Variants in COBL observed in about 807,000 individuals in gnomAD.
COBL encodes protein cordon-bleu.
Under a neutral mutation model 98.8 loss-of-function variants are expected in COBL, and 51 were observed. The observed-to-expected ratio is 0.52, with a 90% CI of 0.41 to 0.65. The LOEUF (loss-of-function observed/expected upper bound fraction) is 0.65. COBL is among the 30% of genes least tolerant of loss of function. The pLI is 0.00. For missense variants in COBL, 1,617 were observed against 1,617.5 expected, an observed-to-expected ratio of 1.00 and a Z score of 0.01; for synonymous variants, 634 against 651.7, an observed-to-expected ratio of 0.97 and a Z score of 0.41.
At chr7:51,198,722 C>T (rs1378106212) in intron 2 of COBL, among the ~76,000 whole-genome samples, 1 of 152,136 alleles carries the variant, frequency 6.6e-6, no homozygotes, top group Non-Finnish European at 1.5e-5. Flanking sequence ...AGATTGGGAA[C>T]TCACAGGGCA....
rs983007075 is a variant in COBL at position 51,136,239 on chromosome 7, G to A, written c.876C>T (p.Ser292=). Residue 292 remains serine (S), a synonymous_variant, in exon 6 of 13, where the codon TCC becomes TCT. Coordinates refer to ENST00000265136, the MANE Select transcript of COBL (RefSeq NM_015198.5). ...GGCGCTTCTTCATCTCCGACTTCAC[G>A]GACACCCCTGAGATGCTGCCCAGCG... ...SLSLGSISGV[S]VKSEMKKRRA... 7.4e-6 allele frequency: 12 copies of A among 1,613,676 alleles called. 2 individuals carry two copies. Among genetic ancestry groups the A allele is most frequent in the South Asian group, 6.6e-5 (6 of 91,050 alleles).
chr7:51,064,499 T>C (rs556637981), intron 7 of COBL: 1 of 152,416 alleles, frequency 6.6e-6, no homozygotes, highest in South Asian at 2.1e-4. Context: ...TCTATACATA[T>C]ACTTGAAAGA....
At chr7:51,136,754 T>C (rs551844052) in intron 5 of COBL, among the ~76,000 whole-genome samples, 1 of 152,328 alleles carries the variant, frequency 6.6e-6, no homozygotes, top group East Asian at 1.9e-4. Context: ...ACCAACAGTC[T>C]TGGTCATCTT....
At chr7:51,182,573 C>A (rs547105028) in intron 5 of COBL, among the ~76,000 whole-genome samples, 6 of 151,544 alleles carry the variant, frequency 4.0e-5, no homozygotes, top group Non-Finnish European at 8.8e-5. Flanking sequence ...TGAGCCACCG[C>A]GCCCGGCCAC....
intron 6 of COBL, among the ~76,000 whole-genome samples, chr7:51,126,226 G>A (rs908736397): frequency 9.9e-5 from 15 of 152,210 alleles, no homozygotes; most frequent in African/African-American, 3.4e-4. Flanking sequence ...AGTATGGGAG[G>A]CTGAGGCAGG....
intron 2 of COBL, 127 bp downstream of exon 2, chr7:51,219,614 T>C: frequency 3.1e-6 from 3 of 978,196 alleles, no homozygotes; most frequent in Non-Finnish European, 4.6e-6. Context: ...CCGATTTATA[T>C]CCATGAGGTT....
chr7:51,185,356 A>G (rs1789388738), intron 4 of COBL, among the ~76,000 whole-genome samples: 1 of 152,172 alleles, frequency 6.6e-6, no homozygotes, highest in Non-Finnish European at 1.5e-5. Flanking sequence ...GGGTCTGGAG[A>G]ACACGCTTGG....
At chr7:51,246,803 T>C (rs1252763199) in intron 1 of COBL, among the ~76,000 whole-genome samples, 1 of 152,238 alleles carries the variant, frequency 6.6e-6, no homozygotes, top group Non-Finnish European at 1.5e-5. Flanking sequence ...AATGGGCTTT[T>C]TTTGTGCAGA....
intron 6 of COBL, among the ~76,000 whole-genome samples, chr7:51,085,564 G>A (rs1164076517): frequency 2.0e-5 from 3 of 152,218 alleles, no homozygotes; most frequent in Admixed American, 6.5e-5. Flanking sequence ...AGACCCCTAT[G>A]AGCAGGGAGC....
At chr7:51,080,404 A>G (rs1195721604) in intron 7 of COBL, among the ~76,000 whole-genome samples, 1 of 152,238 alleles carries the variant, frequency 6.6e-6, no homozygotes, top group African/African-American at 2.4e-5. Context: ...TGAAAGCCAC[A>G]GTGTCCCCTG....
chr7:51,033,741 T>G (rs1788367673), intron 8 of COBL: 1 of 152,272 alleles, frequency 6.6e-6, no homozygotes, highest in Non-Finnish European at 1.5e-5. Flanking sequence ...ATTTTGTCCT[T>G]TAGTGAACAA....
At chr7:51,131,032 G>A (rs879838924) in intron 6 of COBL, among the ~76,000 whole-genome samples, 2 of 152,124 alleles carry the variant, frequency 1.3e-5, no homozygotes, top group Non-Finnish European at 2.9e-5. Context: ...TCATAGAAAA[G>A]TCTATTTTGG....
chr7:51,301,774 C>T (rs1272356699), intron 1 of COBL, among the ~76,000 whole-genome samples: 1 of 152,222 alleles, frequency 6.6e-6, no homozygotes, highest in Non-Finnish European at 1.5e-5. Context: ...TCAGTGTCCC[C>T]TCCAGTGGAC....
intron 5 of COBL, among the ~76,000 whole-genome samples, chr7:51,166,191 TAAAC>T (rs935176386): frequency 4.6e-5 from 7 of 151,534 alleles, no homozygotes; most frequent in African/African-American, 1.7e-4. Flanking sequence ...TTTTAAAAGT[TAAAC>T]AAAATTGACA....
intron 1 of COBL, among the ~76,000 whole-genome samples, chr7:51,247,812 TAA>T (rs1314064604): frequency 6.6e-6 from 1 of 152,126 alleles, no homozygotes; most frequent in Non-Finnish European, 1.5e-5. Context: ...TTATTCTACT[TAA>T]GTTAAAAATA....
intron 1 of COBL, among the ~76,000 whole-genome samples, chr7:51,247,113 G>A (rs139444437): frequency 1.3e-4 from 20 of 152,316 alleles, no homozygotes; most frequent in African/African-American, 4.6e-4. Flanking sequence ...CATGCCCAAG[G>A]CAGAAGCCTC....
chr7:51,171,699 C>T (rs1041130782), intron 5 of COBL, among the ~76,000 whole-genome samples: 7 of 151,902 alleles, frequency 4.6e-5, no homozygotes, highest in Non-Finnish European at 7.4e-5. Context: ...TATTCTTCTA[C>T]TTACAGTTTT....
chr7:51,017,854 C>G (rs1477400669), intron 12 of COBL, among the ~76,000 whole-genome samples: 1 of 152,212 alleles, frequency 6.6e-6, no homozygotes, highest in Non-Finnish European at 1.5e-5. Context: ...CTGGTCCAGA[C>G]AGAGGACACT....
chr7:51,174,346 A>T (rs1202275048), intron 5 of COBL, among the ~76,000 whole-genome samples: 1 of 152,198 alleles, frequency 6.6e-6, no homozygotes, highest in African/African-American at 2.4e-5. Flanking sequence ...ACGGTACCTC[A>T]AACCATAAAA....
Sources: gnomAD v4.1 joint callset for allele counts (sites outside exome capture counted in the v4.1 genomes callset) on GRCh38, gnomAD v4.1.1 for gene constraint, MANE v1.5 for transcripts, NCBI Gene and HGNC (gene_info 2026-07-23, HGNC 2026-07-21) for gene names.